The following SCHIP1 variants were observed in gnomAD, a reference collection of about 807,000 sequenced individuals.
SCHIP1 encodes schwannomin-interacting protein 1.
In SCHIP1, 8 loss-of-function variants were observed where a neutral mutation model predicts 29.7. The ratio of observed to expected loss-of-function variants is 0.27; its 90% CI spans 0.16 to 0.49. SCHIP1 has a LOEUF of 0.49. Ranked by LOEUF, SCHIP1 falls within the 20% of genes least tolerant of loss-of-function variation. SCHIP1 has a pLI of 0.99. For synonymous variants in SCHIP1, 76 were observed against 94.9 expected (o/e 0.80, Z 1.16); for missense variants, 193 against 294.6 (o/e 0.66, Z 2.52).
At chr3:159,661,312 G>A in the SCHIP1 span, among the ~76,000 whole-genome samples, 5,573 of 151,982 alleles carry the variant, frequency 0.037, 262 homozygotes, top group African/African-American at 0.11. Context: ...CATTTTCCAT[G>A]TATCTCTCCA....
chr3:159,291,880 A>G, the SCHIP1 span, among the ~76,000 whole-genome samples: 1 of 152,168 alleles, frequency 6.6e-6, no homozygotes, highest in East Asian at 1.9e-4. Context: ...GGGATGAAAA[A>G]TAAAATTATT....
chr3:159,835,535 AC>A (rs1220258223), upstream of SCHIP1, among the ~76,000 whole-genome samples: 6 of 152,222 alleles, frequency 3.9e-5, no homozygotes, highest in Admixed American at 3.9e-4. Flanking sequence ...TACTTGATGT[AC>A]TTCAAAGTAA....
chr3:159,505,699 C>T, the SCHIP1 span, among the ~76,000 whole-genome samples: 1 of 152,070 alleles, frequency 6.6e-6, no homozygotes, highest in Admixed American at 6.5e-5. Context: ...TCGATTCCCA[C>T]CTATGAGTGA....
the SCHIP1 span, among the ~76,000 whole-genome samples, chr3:159,280,603 G>A: frequency 6.6e-6 from 1 of 152,140 alleles, no homozygotes. Flanking sequence ...AACACAGGGT[G>A]GCATTATCAC....
At chr3:159,506,765 C>T in the SCHIP1 span, among the ~76,000 whole-genome samples, 81,045 of 151,964 alleles carry the variant, frequency 0.53, 22,006 homozygotes, top group East Asian at 0.69. Flanking sequence ...TTGTCAAAGA[C>T]CAGATAGTTG....
At chr3:159,467,740 A>T in the SCHIP1 span, among the ~76,000 whole-genome samples, 1 of 152,162 alleles carries the variant, frequency 6.6e-6, no homozygotes, top group Admixed American at 6.6e-5. Flanking sequence ...CAAACCTTTT[A>T]ATTTAAATGT....
the SCHIP1 span, among the ~76,000 whole-genome samples, chr3:159,645,563 C>T: frequency 6.6e-6 from 1 of 152,120 alleles, no homozygotes; most frequent in Non-Finnish European, 1.5e-5. Context: ...CATTCTACCT[C>T]TACCAGGCAC....
the SCHIP1 span, among the ~76,000 whole-genome samples, chr3:159,677,091 T>C: frequency 1.3e-5 from 2 of 152,018 alleles, no homozygotes; most frequent in African/African-American, 2.4e-5. Flanking sequence ...CCATCCCCCA[T>C]AGCAAAGAGT....
chr3:159,722,209 C>G, the SCHIP1 span: 1 of 194,600 alleles, frequency 5.1e-6, no homozygotes, highest in South Asian at 9.8e-5. Flanking sequence ...GGATCATCCA[C>G]TAGAGTGGTC....
At chr3:159,716,290 A>C in the SCHIP1 span, among the ~76,000 whole-genome samples, 1 of 152,254 alleles carries the variant, frequency 6.6e-6, no homozygotes, top group Non-Finnish European at 1.5e-5. Context: ...CAGCCACTGC[A>C]AAAATATGCC....
the SCHIP1 span, among the ~76,000 whole-genome samples, chr3:159,332,718 C>T: frequency 6.6e-6 from 1 of 152,068 alleles, no homozygotes; most frequent in African/African-American, 2.4e-5. Context: ...TGTGGAATTT[C>T]AATGAGTATC....
At chr3:159,823,517 A>G in the SCHIP1 span, among the ~76,000 whole-genome samples, 1 of 152,110 alleles carries the variant, frequency 6.6e-6, no homozygotes, top group Non-Finnish European at 1.5e-5. Flanking sequence ...AAATGATGAC[A>G]ATGTCAGGGC....
the SCHIP1 span, among the ~76,000 whole-genome samples, chr3:159,762,837 G>A: frequency 2.6e-5 from 4 of 152,338 alleles, no homozygotes; most frequent in East Asian, 5.8e-4. Flanking sequence ...TTTGACTCAG[G>A]TACCTGAAAT....
chr3:159,447,833 G>A, the SCHIP1 span, among the ~76,000 whole-genome samples: 4 of 152,032 alleles, frequency 2.6e-5, no homozygotes, highest in Non-Finnish European at 4.4e-5. Flanking sequence ...ACTCCCAACT[G>A]TCCACAATTA....
the SCHIP1 span, among the ~76,000 whole-genome samples, chr3:159,817,738 T>C: frequency 1.3e-5 from 2 of 152,226 alleles, no homozygotes; most frequent in African/African-American, 2.4e-5. Flanking sequence ...TGTAACCTGT[T>C]ACCTTCTGGT....
At chr3:159,541,539 G>C in the SCHIP1 span, among the ~76,000 whole-genome samples, 2 of 152,112 alleles carry the variant, frequency 1.3e-5, no homozygotes, top group East Asian at 3.9e-4. Flanking sequence ...TATTTCCCTT[G>C]TGGCTGATAG....
At chr3:159,867,317 T>A (rs905691371) in intron 2 of SCHIP1, among the ~76,000 whole-genome samples, 3 of 152,222 alleles carry the variant, frequency 2.0e-5, no homozygotes, top group African/African-American at 7.2e-5. Context: ...ATGCATCCAT[T>A]TAACCAACAT....
chr3:159,871,227 G>A (rs2109302851), intron 2 of SCHIP1, among the ~76,000 whole-genome samples: 1 of 152,010 alleles, frequency 6.6e-6, no homozygotes, highest in Non-Finnish European at 1.5e-5. Context: ...TATAAACTGT[G>A]GTTGGGGCTA....
At chr3:159,820,449 C>T in the SCHIP1 span, among the ~76,000 whole-genome samples, 1 of 152,112 alleles carries the variant, frequency 6.6e-6, no homozygotes. Context: ...TATGATTACA[C>T]ACAGATCCTT....
Sources: allele counts gnomAD v4.1 joint callset (sites outside exome capture counted in the v4.1 genomes callset), GRCh38; gene constraint gnomAD v4.1.1; transcripts MANE v1.5; gene names NCBI Gene and HGNC (gene_info 2026-07-23, HGNC 2026-07-21).